GRM4: variants seen among roughly 807,000 people sequenced by gnomAD.
GRM4 encodes glutamate metabotropic receptor 4.
Under a neutral mutation model 81.7 loss-of-function variants are expected in GRM4, and 28 were observed. The observed-to-expected ratio is 0.34, with a 90% CI of 0.25 to 0.47. GRM4 has a LOEUF of 0.47. Among genes scored for constraint, GRM4 ranks in the 20% least tolerant of loss-of-function variants. The pLI is 1.00. For missense variants in GRM4, 948 were observed against 1,290.0 expected (o/e 0.73, Z 4.06); for synonymous variants, 488 against 528.8 (o/e 0.92, Z 1.06).
intron 2 of GRM4, among the ~76,000 whole-genome samples, chr6:34,103,004 CT>C (rs1239571814): frequency 1.3e-5 from 2 of 152,228 alleles, no homozygotes; most frequent in Non-Finnish European, 2.9e-5. Flanking sequence ...GCTCTGAGGT[CT>C]CCTTCCTCCC....
At chr6:34,056,722 T>TCTTCCCCACCAGCCCCAGCCCTC in intron 5 of GRM4, 38 bp from the exon 6 acceptor site, 1 of 1,598,322 alleles carries the variant, frequency 6.3e-7, no homozygotes, top group Non-Finnish European at 8.5e-7. Flanking sequence ...TCACTGGCCT[T>TCTTCCCCACCAGCCCCAGCCCTC]CTTCCCCACC....
At chr6:34,024,778 T>G in intron 10 of GRM4, 1 of 456,004 alleles carries the variant, frequency 2.2e-6, no homozygotes. Flanking sequence ...TGGGCAAGTT[T>G]CAAGGTTTAT....
At chr6:34,120,490 A>T (rs1561824681) in intron 2 of GRM4, among the ~76,000 whole-genome samples, 1 of 152,182 alleles carries the variant, frequency 6.6e-6, no homozygotes, top group Admixed American at 6.5e-5. Flanking sequence ...CATCTTAGAA[A>T]ACCACTTAAG....
chr6:34,131,950 C>T (rs1423854849), intron 2 of GRM4, among the ~76,000 whole-genome samples: 1 of 151,170 alleles, frequency 6.6e-6, no homozygotes, highest in Non-Finnish European at 1.5e-5. Flanking sequence ...CCTACACACA[C>T]AAACATGCAC....
rs757234370 is a variant in GRM4 at position 34,133,160 on chromosome 6, T to C, written c.337A>G (p.Thr113Ala). 9 of 1,613,816 alleles carry C rather than the reference T, an allele frequency of 5.6e-6. No individual in the cohort carries two copies. In the African/African-American group the frequency reaches 6.7e-5, roughly 12 times the overall value. ...ARILDTCSRD[T>A]HALEQSLTFV... ...GTCAGCGACTGCTCGAGGGCATGGG[T>C]GTCCCTGGAGCAGGTGTCCAGAATG... is the stretch of plus-strand genomic sequence containing the variant. The change falls in exon 2 of 11, where the codon ACC becomes GCC. Residue 113 changes from threonine (T) to alanine (A), a missense_variant. Thr to Ala is a moderately conservative substitution (Grantham distance 58, BLOSUM62 0). Transcript: ENST00000538487. This position sits in a 1 kb window ranked among gnomAD's most constrained non-coding sequence, Gnocchi z 6.5.
chr6:34,066,506 C>T (rs1438228719), intron 3 of GRM4, among the ~76,000 whole-genome samples: 1 of 151,898 alleles, frequency 6.6e-6, no homozygotes, highest in Non-Finnish European at 1.5e-5. Context: ...ATGTACTATA[C>T]ATATATGAGT....
intron 2 of GRM4, chr6:34,110,646 C>T: frequency 6.3e-6 from 8 of 1,260,868 alleles, no homozygotes; most frequent in Non-Finnish European, 8.9e-6. Flanking sequence ...TACCATACCC[C>T]TTCTCATCCC....
intron 6 of GRM4, among the ~76,000 whole-genome samples, chr6:34,051,684 C>CA (rs1277711571): frequency 6.6e-6 from 1 of 152,162 alleles, no homozygotes; most frequent in Non-Finnish European, 1.5e-5. Context: ...GTAGGCTTGA[C>CA]AGCTGCAGAG....
At position 34,041,685 on chromosome 6, in the gene GRM4, A is replaced by G. The variant is rs540265309; in HGVS notation, c.1169-937T>C. On this transcript the variant is annotated intron_variant, in intron 6 of 10. Coordinates refer to ENST00000538487, the MANE Select transcript of GRM4 (RefSeq NM_000841.4). ...GCAGATGGCTCGTCCACAGTGTCCT[A>G]TGTGCTAAGTGGGCAGAACAGGGGC... Among the ~76,000 whole-genome samples the G allele has an allele frequency of 4.6e-5, 7 of 152,286 alleles. No individual in the cohort carries two copies. In the East Asian group the frequency reaches 1.4e-3, roughly 29 times the overall value.
chr6:34,122,456 C>A (rs1769850163), intron 2 of GRM4, among the ~76,000 whole-genome samples: 1 of 152,146 alleles, frequency 6.6e-6, no homozygotes, highest in Admixed American at 6.5e-5. Flanking sequence ...CTCCTCACTG[C>A]CCCCAGCCCA....
At chr6:34,044,730 A>G (rs1765258068) in intron 6 of GRM4, among the ~76,000 whole-genome samples, 2 of 132,826 alleles carry the variant, frequency 1.5e-5, no homozygotes, top group Non-Finnish European at 3.3e-5. Flanking sequence ...ACACACACAG[A>G]CATACATACA....
At position 34,138,012 on chromosome 6, in the gene GRM4, T is replaced by C. The variant is rs1018398334; in HGVS notation, c.-363-4153A>G. On this transcript the variant is annotated intron_variant, in intron 1 of 10. Transcript: ENST00000538487. ...CACAAACCACAAAACAACAACCGGA[T>C]CCGAAGAGAACTGCTGTGATTTACC... Among the ~76,000 whole-genome samples, 11 of 152,252 alleles carry C rather than the reference T, an allele frequency of 7.2e-5. No individual in the cohort carries two copies. The South Asian group carries it at 1.7e-3, about 23-fold the overall frequency.
rs201711792 is a variant in GRM4, at chr6:34,061,937, C to T, written c.828G>A (p.Ser276=). The T allele has an allele frequency of 2.2e-5, 35 of 1,613,930 alleles. No homozygotes were observed. Among genetic ancestry groups the T allele is most frequent in the African/African-American group, 6.7e-5 (5 of 75,062 alleles). The change falls in exon 4 of 11, where the codon TCG becomes TCA. Residue 276 remains serine (S), a synonymous_variant. Transcript: ENST00000538487. ...CAAAGATGATGACTGCCCTGGCGTT[C>T]GAAGTCTCCAGGAGGCGGCGGATGA... ...DKIIRRLLET[S]NARAVIIFAN... is the part of the protein sequence containing the mutation.
Position 34,036,696 on chromosome 6 carries a change from C to T in GRM4, c.1507-93G>A, listed in dbSNP as rs375399623. 4.1e-4 allele frequency: 279 copies of T among 675,200 alleles called. 3 individuals are homozygous for T. Among genetic ancestry groups the T allele is most frequent in the East Asian group, 2.1e-3 (77 of 37,410 alleles). The allele number at this position is 675,200 out of a possible 1,614,324, so 41.8% of individuals were successfully genotyped here. A position where few individuals can be genotyped will look rare whatever the true frequency, so the allele number is the denominator to read the frequency against. Reference sequence around the variant, plus strand: ...GGTGGTGGCACCTTGTAGCCCCACACTCAAATCACCCAGCTAGTTGGCTAA... The same window carrying T: ...GGTGGTGGCACCTTGTAGCCCCACATTCAAATCACCCAGCTAGTTGGCTAA... On this transcript the variant is annotated intron_variant, in intron 8 of 10. Transcript: ENST00000538487. The surrounding 1 kb of genome is among the most constrained non-coding windows in gnomAD (Gnocchi z 9.0).
At chr6:34,085,673 G>A (rs1275241140) in intron 3 of GRM4, among the ~76,000 whole-genome samples, 1 of 152,242 alleles carries the variant, frequency 6.6e-6, no homozygotes. Context: ...CAACTACTAT[G>A]TGCCAGGGCT....
chr6:34,121,574 G>A lies in GRM4; in HGVS notation c.519+11404C>T, dbSNP rs367548629. On this transcript the variant is annotated intron_variant, in intron 2 of 10. Transcript: ENST00000538487. The surrounding 1 kb of genome is among the most constrained non-coding windows in gnomAD (Gnocchi z 4.6). ...CTCTGATAGTTTTCAATCCCTCTTC[G>A]CCCTGGAGGTGGCTGGAGACCAGGA... Among the ~76,000 whole-genome samples the A allele has an allele frequency of 2.0e-5, 3 of 152,170 alleles. No homozygotes were observed. Among genetic ancestry groups the A allele is most frequent in the Non-Finnish European group, 2.9e-5 (2 of 68,022 alleles).
At chr6:34,150,583 C>T (rs996438937), upstream of GRM4, among the ~76,000 whole-genome samples, 1 of 152,070 alleles carries the variant, frequency 6.6e-6, no homozygotes, top group African/African-American at 2.4e-5. Context: ...CTCCAGAGTT[C>T]CCTGACCTGA....
rs903994136 is a variant in GRM4, at chr6:34,022,410, C to T, written c.*411G>A. 4.5e-5 allele frequency: 9 copies of T among 198,980 alleles called. No homozygotes were observed. Among genetic ancestry groups the T allele is most frequent in the African/African-American group, 1.4e-4 (6 of 42,772 alleles). 12.3% of individuals were successfully genotyped at this position (198,980 alleles called of 1,614,324 possible). On this transcript the variant is annotated 3_prime_UTR_variant, in exon 11 of 11. Coordinates refer to ENST00000538487, the MANE Select transcript of GRM4 (RefSeq NM_000841.4). This position sits in a 1 kb window ranked among gnomAD's most constrained non-coding sequence, Gnocchi z 5.6. ...GGCCAAGAGTACAAGCAGCCGGGGA[C>T]GCCAGAGAGGGAAAAGGTGAAACAA...
upstream of GRM4, chr6:34,146,096 G>A: frequency 1.0e-6 from 1 of 985,450 alleles, no homozygotes; most frequent in Non-Finnish European, 1.2e-6. Flanking sequence ...GCAAAGCACA[G>A]GGACGCAGAG....
Sources: gnomAD v4.1 joint callset for allele counts (sites outside exome capture counted in the v4.1 genomes callset) on GRCh38, gnomAD v4.1.1 for gene constraint, Gnocchi (gnomAD v3.1) non-coding constraint, MANE v1.5 for transcripts, NCBI Gene and HGNC (gene_info 2026-07-23, HGNC 2026-07-21) for gene names.